Variants in MAMLD1 observed in about 807,000 individuals in gnomAD.
MAMLD1 encodes the protein mastermind like domain containing 1.
Under a neutral mutation model 45.0 loss-of-function variants are expected in MAMLD1, and 14 were observed. The ratio of observed to expected loss-of-function variants is 0.31; its 90% CI spans 0.21 to 0.49. MAMLD1 has a LOEUF of 0.49. Among genes scored for constraint, MAMLD1 ranks in the 20% least tolerant of loss-of-function variants. The pLI is 0.99. For synonymous variants in MAMLD1, 254 were observed against 247.8 expected (o/e 1.02, Z -0.24); for missense variants, 543 against 603.6 (o/e 0.90, Z 1.05).
chrX:150,374,810 G>A (rs2032222376), intron 1 of MAMLD1, among the ~76,000 whole-genome samples: 1 of 111,819 alleles, frequency 8.9e-6, no homozygotes, highest in South Asian at 3.8e-4. Context: ...TGGGATCTGA[G>A]GAGGCAGATA....
rs567517 is a variant in MAMLD1 at position 150,513,655 on chromosome X, C to T, written c.*1696C>T. ...TCCTAATGAGCTTTACAGCAGAAGC[C>T]GTTTTATCGTTAAGTGCCCCACAGA... is the stretch of plus-strand genomic sequence containing the variant. On this transcript the variant is annotated 3_prime_UTR_variant, in exon 8 of 8. Transcript: ENST00000370401. 104,529 of 295,143 alleles carry T rather than the reference C, an allele frequency of 0.35. 13,575 individuals are homozygous for T. The highest frequency in any genetic ancestry group is 0.62 in the East Asian group (12,953 of 20,957). The allele number at this position is 295,143 out of a possible 1,213,427, so 24.3% of individuals were successfully genotyped here.
intron 5 of MAMLD1, among the ~76,000 whole-genome samples, chrX:150,483,094 T>C (rs1028275154): frequency 1.8e-5 from 2 of 111,732 alleles, no homozygotes; most frequent in South Asian, 7.6e-4. Flanking sequence ...TGGAATAGAG[T>C]TCTGAAAAAG....
chrX:150,380,634 G>A (rs369762349), intron 1 of MAMLD1, among the ~76,000 whole-genome samples: 1 of 111,355 alleles, frequency 9.0e-6, no homozygotes, highest in South Asian at 3.7e-4. Context: ...TTTTCTTCCA[G>A]TATTTGTATG....
At position 150,503,377 on chromosome X, in the gene MAMLD1, T is replaced by C. The variant is rs782527828; in HGVS notation, c.2144T>C (p.Leu715Pro). ...SCQALGSESF[L>P]PGSSFAHELA... is the part of the protein sequence containing the mutation. ...CAGGCCCTGGGGAGTGAGTCCTTCC[T>C]GCCCGGCAGCTCCTTTGCTCATGAG... The change falls in exon 6 of 8, where the codon CTG (leucine) becomes CCG (proline). Residue 715 changes from leucine to proline, a missense_variant. Coordinates refer to ENST00000370401, the MANE Select transcript of MAMLD1 (RefSeq NM_005491.5). 6.4e-5 allele frequency: 77 copies of C among 1,211,003 alleles called. No individual in the cohort carries two copies. Among genetic ancestry groups the C allele is most frequent in the South Asian group, 1.2e-4 (7 of 56,930 alleles).
chrX:150,394,484 G>A (rs1265782123), intron 1 of MAMLD1, among the ~76,000 whole-genome samples: 1 of 110,936 alleles, frequency 9.0e-6, no homozygotes, highest in Non-Finnish European at 1.9e-5. Flanking sequence ...ACAAAAGAAT[G>A]TGCTGGAGTA....
At chrX:150,411,732 AC>A (rs2034128534) in intron 1 of MAMLD1, among the ~76,000 whole-genome samples, 2 of 110,894 alleles carry the variant, frequency 1.8e-5, no homozygotes, top group African/African-American at 6.6e-5. Flanking sequence ...GCCCAGTGAG[AC>A]CCTTTGCTGC....
chrX:150,432,098 G>A (rs782407318), intron 1 of MAMLD1, among the ~76,000 whole-genome samples: 12 of 109,118 alleles, frequency 1.1e-4, no homozygotes, highest in Admixed American at 8.7e-4. Context: ...TTTTTTTTAT[G>A]TTTTAGTAAT....
Position 150,470,133 on chromosome X carries a change from A to G in MAMLD1, c.560A>G (p.Gln187Arg). ...CTGCTAGAGGAGCTCACCAAAATTC[A>G]AGACCCTTCTCCAAATGAGCTAGAT... ...QELLEELTKI[Q>R]DPSPNELDLE... The change falls in exon 4 of 8, where the codon CAA becomes CGA. Residue 187 changes from glutamine to arginine, a missense_variant. Transcript: ENST00000370401. 3 of 1,211,670 alleles carry G rather than the reference A, an allele frequency of 2.5e-6. No individual in the cohort carries two copies. The East Asian group carries it at 8.9e-5, about 36-fold the overall frequency.
chrX:150,495,206 A>AAAACAAACAAAC (rs201099079), intron 5 of MAMLD1, among the ~76,000 whole-genome samples: 2,023 of 104,099 alleles, frequency 0.019, 28 homozygotes, highest in African/African-American at 0.038. Flanking sequence ...ATTCCGTCTC[A>AAAACAAACAAAC]AAACAAACAA....
At chrX:150,364,704 G>A (rs1402145933) in intron 1 of MAMLD1, among the ~76,000 whole-genome samples, 1 of 112,989 alleles carries the variant, frequency 8.9e-6, no homozygotes, top group Non-Finnish European at 1.9e-5. Flanking sequence ...CCGGGACATT[G>A]TCTGCAAGGG....
chrX:150,499,590 C>T (rs782164346), intron 5 of MAMLD1, among the ~76,000 whole-genome samples: 1 of 111,447 alleles, frequency 9.0e-6, no homozygotes, highest in Admixed American at 9.5e-5. Context: ...GACTGCTCCT[C>T]GCCATGTGCA....
intron 1 of MAMLD1, among the ~76,000 whole-genome samples, chrX:150,385,682 G>A (rs1268759661): frequency 9.0e-6 from 1 of 111,612 alleles, no homozygotes; most frequent in Non-Finnish European, 1.9e-5. Flanking sequence ...GGGGATGACA[G>A]AGGCAGAAGT....
Position 150,470,505 on chromosome X carries a change from C to T in MAMLD1, c.932C>T (p.Ala311Val), listed in dbSNP as rs782337449. Residue 311 changes from alanine to valine, a missense_variant, in exon 4 of 8, where the codon GCA becomes GTA. Coordinates refer to ENST00000370401, the MANE Select transcript of MAMLD1 (RefSeq NM_005491.5). Reference protein sequence around the residue: ...WHHAHQLKALAASKQGSATKQ... With the variant: ...WHHAHQLKALVASKQGSATKQ... The stretch of plus-strand genomic sequence containing the variant: ...CACGCCCACCAGCTGAAGGCGTTGG[C>T]AGCCAGCAAGCAGGGGTCTGCTACA... 4.5e-5 allele frequency: 54 copies of T among 1,211,877 alleles called. No homozygotes were observed. The highest frequency in any genetic ancestry group is 6.0e-5 in the Non-Finnish European group (54 of 895,562).
chrX:150,447,644 A>C (rs1316500119), intron 2 of MAMLD1, among the ~76,000 whole-genome samples: 6 of 111,602 alleles, frequency 5.4e-5, no homozygotes, highest in African/African-American at 2.0e-4. Context: ...ATGGCCTGTG[A>C]GTCCACCAAG....
chrX:150,372,218 G>C (rs2032048874), intron 1 of MAMLD1, among the ~76,000 whole-genome samples: 2 of 112,397 alleles, frequency 1.8e-5, no homozygotes, highest in Non-Finnish European at 3.8e-5. Flanking sequence ...CTCGAAGTCT[G>C]GAAGTAGCTG....
At chrX:150,482,888 GAC>G (rs1557407412) in intron 5 of MAMLD1, among the ~76,000 whole-genome samples, 1 of 112,544 alleles carries the variant, frequency 8.9e-6, no homozygotes. Context: ...AACAAGAACG[GAC>G]ATTATCTCTG....
intron 1 of MAMLD1, among the ~76,000 whole-genome samples, chrX:150,419,414 T>G (rs781784631): frequency 4.9e-4 from 53 of 108,835 alleles, no homozygotes; most frequent in South Asian, 8.3e-4. Flanking sequence ...TGTGTCTTTT[T>G]ATTGGAGCAT....
chrX:150,429,517 T>G, intron 1 of MAMLD1, among the ~76,000 whole-genome samples: 1 of 111,140 alleles, frequency 9.0e-6, no homozygotes, highest in Middle Eastern at 4.7e-3. Context: ...TACATCTAGT[T>G]TTCCCCAGTG....
At position 150,451,787 on chromosome X, in the gene MAMLD1, A is replaced by G. The variant is rs111752137; in HGVS notation, c.96+6175A>G. Among the ~76,000 whole-genome samples, 171 of 110,828 alleles carry G rather than the reference A, an allele frequency of 1.5e-3. 2 individuals carry two copies. The highest frequency in any genetic ancestry group is 5.4e-3 in the African/African-American group (163 of 30,414). ...AAATTCCAAAGTTAGAAAGGCAAGC[A>G]TCAGCCACAGGGAAGTGGATTTGAC... On this transcript the variant is annotated intron_variant, in intron 2 of 7. Coordinates refer to ENST00000370401, the MANE Select transcript of MAMLD1 (RefSeq NM_005491.5).
Sources: gnomAD v4.1 joint callset for allele counts (sites outside exome capture counted in the v4.1 genomes callset) on GRCh38, gnomAD v4.1.1 for gene constraint, MANE v1.5 for transcripts, NCBI Gene and HGNC (gene_info 2026-07-23, HGNC 2026-07-21) for gene names.